The following WDR3 variants were observed in gnomAD, a reference collection of about 807,000 sequenced individuals.
WDR3 encodes WD repeat domain 3, also known as WD repeat-containing protein 3.
A neutral mutation model predicts 123.7 loss-of-function variants in WDR3; 81 were observed. The ratio of observed to expected loss-of-function variants is 0.65; its 90% confidence interval spans 0.55 to 0.79. The LOEUF (loss-of-function observed/expected upper bound fraction) is 0.79, where lower values mean the gene tolerates loss of function less well. Among genes scored for constraint, WDR3 ranks in the 30% least tolerant of loss-of-function variants. WDR3 has a pLI of 0.00. For synonymous variants in WDR3, 390 were observed against 388.8 expected (o/e 1.00, Z -0.04); for missense variants, 1,027 against 1,123.2 (o/e 0.91, Z 1.22).
At position 117,941,173 on chromosome 1, in the gene WDR3, A is replaced by T; in HGVS notation, c.839A>T (p.Asp280Val). 1 of 1,614,184 alleles carries T rather than the reference A, an allele frequency of 6.2e-7. No homozygotes were observed. The highest frequency in any genetic ancestry group is 8.5e-7 in the Non-Finnish European group (1 of 1,180,024). ...KAGSIMREGR[D>V]RVVNLAVDKT... ...GGTTCCATAATGCGGGAAGGAAGAG[A>T]CAGAGTTGTAAACCTTGCAGTCGAC... The change falls in exon 8 of 27, where the codon GAC (aspartate) becomes GTC (valine). Residue 280 changes from aspartate (D) to valine (V), a missense_variant. By Grantham distance (152) the Asp-to-Val change is radical. Transcript: ENST00000349139.
intron 22 of WDR3, 96 bp downstream of exon 22, chr1:117,954,195 G>T (rs1651828535): frequency 1.0e-5 from 10 of 995,606 alleles, no homozygotes; most frequent in Non-Finnish European, 1.5e-5. Context: ...ATCAGGATAT[G>T]CAATAAATGG....
intron 13 of WDR3, among the ~76,000 whole-genome samples, chr1:117,949,058 C>T (rs1420736567): frequency 1.3e-5 from 2 of 151,986 alleles, no homozygotes; most frequent in African/African-American, 4.8e-5. Flanking sequence ...AATTTTCATC[C>T]GTTGAAAGTA....
chr1:117,957,027 T>G (rs781220545), intron 24 of WDR3, 41 bp from the exon 25 acceptor site: 7 of 1,518,660 alleles, frequency 4.6e-6, no homozygotes, highest in Non-Finnish European at 6.2e-6. Context: ...TTAACAACGT[T>G]AACAAATGTG....
intron 3 of WDR3, among the ~76,000 whole-genome samples, chr1:117,935,614 G>A (rs908243156): frequency 1.3e-5 from 2 of 151,812 alleles, no homozygotes; most frequent in African/African-American, 4.8e-5. Flanking sequence ...CTATTTGAGC[G>A]AAATTTTTAA....
At chr1:117,953,563 T>C in intron 21 of WDR3, 22 bp downstream of exon 21, 3 of 1,604,124 alleles carry the variant, frequency 1.9e-6, no homozygotes, top group Non-Finnish European at 2.6e-6. Flanking sequence ...TAGAATGTGG[T>C]ATCTCGTTTT....
intron 3 of WDR3, 83 bp downstream of exon 3, chr1:117,934,765 C>G (rs1650856841): frequency 1.4e-6 from 2 of 1,436,380 alleles, no homozygotes; most frequent in Middle Eastern, 2.5e-4. Flanking sequence ...CAAAAATTGT[C>G]AGGTAAAACA....
chr1:117,966,460 G>A lies in WDR3; in HGVS notation c.*7013G>A, dbSNP rs1389732377. 1.3e-6 allele frequency: 1 copy of A among 754,328 alleles called. No individual in the cohort carries two copies. The highest frequency in any genetic ancestry group is 2.9e-5 in the East Asian group (1 of 34,244). 46.7% of individuals were successfully genotyped at this position (754,328 alleles called of 1,614,324 possible). On this transcript the variant is annotated 3_prime_UTR_variant, in exon 27 of 27. Transcript: ENST00000349139. The stretch of plus-strand genomic sequence containing the variant: ...GATTTGGCTAGGTGCTTTCAAAGAT[G>A]AATGAAGATGCTCTTTGTCTTAATA...
In WDR3 at chr1:117,941,789, A is replaced by C. The variant is rs1651182291; in HGVS notation, c.931A>C (p.Lys311Gln). ...GCTAGAATTGTTTTGTATCCTTTCC[A>C]AAAAGGAAATTCAGAAGAAAATGGA... ...SVLELFCILSKKEIQKKMDKK... is the reference protein window; with the variant it reads ...SVLELFCILSQKEIQKKMDKK... Residue 311 changes from lysine (K) to glutamine (Q), a missense_variant, in exon 9 of 27, where the codon AAA becomes CAA. By Grantham distance (53) the Lys-to-Gln change is moderately conservative (BLOSUM62 1). Coordinates refer to ENST00000349139, the MANE Select transcript of WDR3 (RefSeq NM_006784.3). 6.2e-7 allele frequency: 1 copy of C among 1,611,184 alleles called. No homozygotes were observed. Among genetic ancestry groups the C allele is most frequent in the East Asian group, 2.2e-5 (1 of 44,718 alleles).
At chr1:117,957,619 T>C (rs895993495) in intron 25 of WDR3, among the ~76,000 whole-genome samples, 2 of 152,152 alleles carry the variant, frequency 1.3e-5, no homozygotes, top group African/African-American at 4.8e-5. Context: ...GCAGGCCACA[T>C]GTGGCCCAGT....
chr1:117,933,222 G>T, intron 1 of WDR3, 66 bp from the exon 2 acceptor site: 3 of 1,364,970 alleles, frequency 2.2e-6, no homozygotes, highest in Non-Finnish European at 2.0e-6. Context: ...AAAAACAGTT[G>T]GTGTTTACTA....
chr1:117,959,543 A>G lies in WDR3; in HGVS notation c.*96A>G. 7.8e-7 allele frequency: 1 copy of G among 1,289,288 alleles called. No homozygotes were observed. Among genetic ancestry groups the G allele is most frequent in the Admixed American group, 3.0e-5 (1 of 33,026 alleles). 79.9% of individuals were successfully genotyped at this position (1,289,288 alleles called of 1,614,324 possible). A position where few individuals can be genotyped will look rare whatever the true frequency, so the allele number is the denominator to read the frequency against. On this transcript the variant is annotated 3_prime_UTR_variant, in exon 27 of 27. Transcript: ENST00000349139. ...GTTGGCGTCATCTTAAAAATACCAA[A>G]TAACAGAAGATCGCATTGCAGATGA...
chr1:117,938,399 A>G lies in WDR3; in HGVS notation c.501-81A>G, dbSNP rs888460986. On this transcript the variant is annotated intron_variant, in intron 4 of 26. Coordinates refer to ENST00000349139, the MANE Select transcript of WDR3 (RefSeq NM_006784.3). ...TGAAGCATATGTTCCTTTTAAAGCA[A>G]CAGTGAGTTTTGGATCTCCCTATTC... 14 of 1,098,144 alleles carry G rather than the reference A, an allele frequency of 1.3e-5. No individual in the cohort carries two copies. The African/African-American group carries it at 1.9e-4, about 15-fold the overall frequency. 68.0% of individuals were successfully genotyped at this position (1,098,144 alleles called of 1,614,324 possible).
rs1653319568 is a variant in WDR3 at position 117,963,110 on chromosome 1, A to T, written c.*3663A>T. 1 of 152,182 alleles carries T rather than the reference A, an allele frequency of 6.6e-6. No homozygotes were observed. Among genetic ancestry groups the T allele is most frequent in the South Asian group, 2.1e-4 (1 of 4,832 alleles). The allele number at this position is 152,182 out of a possible 1,614,324, so 9.4% of individuals were successfully genotyped here. ...CAAGCAGCCCTGGTATGTTTTTAGA[A>T]CACAGTACACATTGTGTAACAGTCA... On this transcript the variant is annotated 3_prime_UTR_variant, in exon 27 of 27. Coordinates refer to ENST00000349139, the MANE Select transcript of WDR3 (RefSeq NM_006784.3).
chr1:117,936,713 T>G, intron 3 of WDR3, 56 bp from the exon 4 acceptor site: 3 of 1,326,252 alleles, frequency 2.3e-6, no homozygotes, highest in Non-Finnish European at 1.1e-6. Flanking sequence ...TTTGTCAAGT[T>G]GGGCCATATA....
chr1:117,943,242 T>TG (rs1390870203), intron 10 of WDR3, among the ~76,000 whole-genome samples, 154 bp from the exon 11 acceptor site: 12 of 152,186 alleles, frequency 7.9e-5, no homozygotes, highest in African/African-American at 2.9e-4. Context: ...CGTGAGCCAC[T>TG]GCACCCAGCC....
chr1:117,963,167 T>A lies in WDR3; in HGVS notation c.*3720T>A, dbSNP rs1653330197. The A allele has an allele frequency of 6.6e-6, 1 of 152,216 alleles. No homozygotes were observed. Among genetic ancestry groups the A allele is most frequent in the African/African-American group, 2.4e-5 (1 of 41,440 alleles). 9.4% of individuals were successfully genotyped at this position (152,216 alleles called of 1,614,324 possible). ...CCAACTCTTACATAGGGCCTGGCAG[T>A]GTTGCCCTTGTGTATCCCTTCCCCT... On this transcript the variant is annotated 3_prime_UTR_variant, in exon 27 of 27. Coordinates refer to ENST00000349139, the MANE Select transcript of WDR3 (RefSeq NM_006784.3).
At chr1:117,945,967 TA>T in intron 11 of WDR3, 118 bp from the exon 12 acceptor site, 1 of 601,030 alleles carries the variant, frequency 1.7e-6, no homozygotes. Flanking sequence ...CAAGGGTTTT[TA>T]AGACTTTTAT....
At chr1:117,953,143 T>C (rs1008166307) in intron 20 of WDR3, 147 bp downstream of exon 20, 3 of 1,033,664 alleles carry the variant, frequency 2.9e-6, no homozygotes, top group African/African-American at 3.3e-5. Context: ...TGTGTAATTC[T>C]TTCTCTTCAA....
chr1:117,947,292 G>A (rs1242545584), intron 12 of WDR3, among the ~76,000 whole-genome samples: 1 of 152,182 alleles, frequency 6.6e-6, no homozygotes, highest in Non-Finnish European at 1.5e-5. Flanking sequence ...TCTATGGAGT[G>A]TTTTGAAAAG....
Sources: gnomAD v4.1 joint callset for allele counts (sites outside exome capture counted in the v4.1 genomes callset) on GRCh38, gnomAD v4.1.1 for gene constraint, MANE v1.5 for transcripts, NCBI Gene and HGNC (gene_info 2026-07-23, HGNC 2026-07-21) for gene names.